LACTBL1: variants seen among roughly 807,000 people sequenced by gnomAD.
The protein encoded by LACTBL1 is lactamase beta like 1, also known as beta-lactamase-like protein 1.
A neutral mutation model predicts 39.6 loss-of-function variants in LACTBL1; 29 were observed. The ratio of observed to expected loss-of-function variants is 0.73; its 90% CI spans 0.55 to 1.00. LACTBL1 has a LOEUF of 1.00. LACTBL1 is among the 50% of genes least tolerant of loss of function. The probability of loss-of-function intolerance (pLI) is 0.00; values close to 1 mark genes in which losing one functional copy is unlikely to be tolerated. For synonymous variants in LACTBL1, 361 were observed against 360.7 expected (o/e 1.00, Z -0.01); for missense variants, 711 against 748.5 (o/e 0.95, Z 0.59).
chr1:22,959,481 A>G lies in LACTBL1; in HGVS notation c.317+461T>C, dbSNP rs188765023. 9.8e-5 allele frequency among the ~76,000 whole-genome samples: 15 copies of G among 152,386 alleles called. No individual in the cohort carries two copies. The East Asian group carries it at 1.2e-3, about 12-fold the overall frequency. On this transcript the variant is annotated intron_variant, in intron 3 of 5. Coordinates refer to ENST00000426928, the Ensembl canonical transcript of LACTBL1. Reference sequence around the variant, plus strand: ...CCAGGAACAAATGTGTTCACTCTGCATCATGAACTTTGAGGATCCTGCAGG... The same window carrying G: ...CCAGGAACAAATGTGTTCACTCTGCGTCATGAACTTTGAGGATCCTGCAGG...
chr1:22,958,633 G>T, intron 4 of LACTBL1, 52 bp downstream of exon 6: 1 of 1,430,498 alleles, frequency 7.0e-7, no homozygotes, highest in Non-Finnish European at 9.4e-7. Flanking sequence ...CTGTTCCTCA[G>T]CTTCCCCACC....
intron 5 of LACTBL1, 77 bp downstream of exon 7, chr1:22,955,244 G>T: frequency 8.5e-7 from 1 of 1,172,520 alleles, no homozygotes; most frequent in Non-Finnish European, 1.2e-6. Context: ...ATGAGGTGAT[G>T]TGGGCTCTTT....
At chr1:22,955,453 C>G (rs757344693) in intron 4 of LACTBL1, 27 bp from the exon 7 acceptor site, 2 of 1,495,962 alleles carry the variant, frequency 1.3e-6, no homozygotes, top group South Asian at 2.4e-5. Flanking sequence ...GTCAGACTTA[C>G]CGGGCCCGGC....
chr1:22,968,200 T>C (rs528441821), upstream of LACTBL1, among the ~76,000 whole-genome samples: 217 of 152,342 alleles, frequency 1.4e-3, no homozygotes, highest in Admixed American at 3.1e-3. Flanking sequence ...TCATTTTGAC[T>C]TCTGTGGAGT....
At chr1:22,963,077 T>C in intron 2 of LACTBL1, 30 bp downstream of exon 4, 5 of 1,211,522 alleles carry the variant, frequency 4.1e-6, no homozygotes, top group Non-Finnish European at 5.3e-6. Flanking sequence ...CCAGCCCATA[T>C]GCCCAGTTTC....
upstream of LACTBL1, among the ~76,000 whole-genome samples, chr1:22,970,063 A>G (rs1441246527): frequency 6.6e-6 from 1 of 152,230 alleles, no homozygotes; most frequent in Non-Finnish European, 1.5e-5. Flanking sequence ...CCAGGTGTTG[A>G]AGAGGGTTGG....
Position 22,953,360 on chromosome 1 carries a change from C to T in LACTBL1, c.1324G>A (p.Glu442Lys), listed in dbSNP as rs150275673. 1,147 of 1,228,702 alleles carry T rather than the reference C, an allele frequency of 9.3e-4. 8 individuals are homozygous for T. In the African/African-American group the frequency reaches 0.016, roughly 17 times the overall value. The allele number at this position is 1,228,702 out of a possible 1,614,324, so 76.1% of individuals were successfully genotyped here. ...TCGCCCGCCGGCCCGGCGCGCACCT[C>T]GTAGAAGGTCAGGTTGGCGAAGGTG... Residue 442 changes from glutamate (E) to lysine (K), a missense_variant, in exon 6 of 6, where the codon GAG becomes AAG. By Grantham distance (56) the Glu-to-Lys change is moderately conservative. Coordinates refer to ENST00000426928, the Ensembl canonical transcript of LACTBL1.
chr1:22,959,538 A>C (rs903013225), intron 3 of LACTBL1, among the ~76,000 whole-genome samples: 2 of 152,364 alleles, frequency 1.3e-5, no homozygotes, highest in Admixed American at 6.5e-5. Flanking sequence ...CCAGATATGC[A>C]ACAGAATGTC....
upstream of LACTBL1, among the ~76,000 whole-genome samples, chr1:22,967,644 TAGAGAG>T (rs1274043104): frequency 1.3e-5 from 2 of 151,424 alleles, no homozygotes; most frequent in South Asian, 2.1e-4. Flanking sequence ...CATATATATA[TAGAGAG>T]AGAGAGAGAG....
the LACTBL1 span, among the ~76,000 whole-genome samples, chr1:22,970,795 G>A: frequency 1.9e-4 from 25 of 134,416 alleles, no homozygotes; most frequent in South Asian, 5.5e-4. Context: ...GGGCAACAGC[G>A]CAAGACCCTG....
At chr1:22,956,144 G>A (rs546226531) in intron 4 of LACTBL1, among the ~76,000 whole-genome samples, 73 of 151,960 alleles carry the variant, frequency 4.8e-4, no homozygotes, top group Admixed American at 9.8e-4. Flanking sequence ...AGGCTGAGGC[G>A]GGAGGATCAC....
chr1:22,955,331 G>A (rs573773146), exon 5 of LACTBL1: 87 of 1,550,364 alleles, frequency 5.6e-5, no homozygotes, highest in South Asian at 1.5e-4. Flanking sequence ...CTGGTTCCCG[G>A]GTCCACTACC....
chr1:22,953,603 G>A (rs1315340263), exon 6 of LACTBL1: 1 of 1,259,380 alleles, frequency 7.9e-7, no homozygotes, highest in Non-Finnish European at 9.9e-7. Flanking sequence ...CCGTCCTTGC[G>A]CACCACGCGG....
At chr1:22,963,976 A>G (rs555164575) in intron 1 of LACTBL1, among the ~76,000 whole-genome samples, 1 of 152,240 alleles carries the variant, frequency 6.6e-6, no homozygotes, top group Non-Finnish European at 1.5e-5. Flanking sequence ...GCTGGAGTAC[A>G]ATGGTGCGAT....
chr1:22,971,779 G>A, the LACTBL1 span, among the ~76,000 whole-genome samples: 1 of 152,316 alleles, frequency 6.6e-6, no homozygotes, highest in South Asian at 2.1e-4. Context: ...TCACCCTTTT[G>A]AGTCTCAGAT....
intron 4 of LACTBL1, among the ~76,000 whole-genome samples, chr1:22,956,748 A>G (rs1361243905): frequency 1.3e-5 from 2 of 152,140 alleles, no homozygotes; most frequent in African/African-American, 4.8e-5. Context: ...CCCCAGCTTC[A>G]TCTTCCAGTG....
At chr1:22,956,605 A>G (rs1478070898) in intron 4 of LACTBL1, among the ~76,000 whole-genome samples, 1 of 152,046 alleles carries the variant, frequency 6.6e-6, no homozygotes, top group Non-Finnish European at 1.5e-5. Context: ...TCACCCCCTT[A>G]CCTGTGTCAA....
chr1:22,972,516 T>G, the LACTBL1 span: 8 of 728,754 alleles, frequency 1.1e-5, no homozygotes, highest in South Asian at 4.3e-4. Flanking sequence ...GCCCTCCTCT[T>G]CCCATGGCTC....
rs1208317061 is a variant in LACTBL1 at position 22,958,935 on chromosome 1, G to T, written c.318-15C>A. 7 of 1,526,454 alleles carry T rather than the reference G, an allele frequency of 4.6e-6. No individual in the cohort carries two copies. Among genetic ancestry groups the T allele is most frequent in the Non-Finnish European group, 6.2e-6 (7 of 1,128,306 alleles). The allele number at this position is 1,526,454 out of a possible 1,614,324, so 94.6% of individuals were successfully genotyped here. ...TGCTGGAGATCCTAGATAATGTTGG[G>T]AATACAAGCAGTCAAAGGGCATCCT... On this transcript the variant is annotated splice_polypyrimidine_tract_variant and intron_variant, in intron 3 of 5. Coordinates refer to ENST00000426928, the Ensembl canonical transcript of LACTBL1.
Sources: allele counts gnomAD v4.1 joint callset (sites outside exome capture counted in the v4.1 genomes callset), GRCh38; gene constraint gnomAD v4.1.1; transcripts MANE v1.5; gene names NCBI Gene and HGNC (gene_info 2026-07-23, HGNC 2026-07-21).